Variants in TBC1D5 observed in about 807,000 individuals in gnomAD.
TBC1D5 encodes TBC1 domain family, member 5.
Under a neutral mutation model 100.3 loss-of-function variants are expected in TBC1D5, and 75 were observed. That is an observed-to-expected ratio of 0.75 (90% CI 0.62 to 0.91). The LOEUF (loss-of-function observed/expected upper bound fraction) is 0.91, where lower values mean the gene tolerates loss of function less well. Ranked by LOEUF, TBC1D5 falls within the 40% of genes least tolerant of loss-of-function variation. TBC1D5 has a pLI of 0.00. For synonymous variants in TBC1D5, 323 were observed against 325.6 expected, an observed-to-expected ratio of 0.99 and a Z score of 0.09; for missense variants, 910 against 942.4, an observed-to-expected ratio of 0.97 and a Z score of 0.45.
At chr3:17,240,004 T>G (rs1289390674) in intron 16 of TBC1D5, among the ~76,000 whole-genome samples, 1 of 152,216 alleles carries the variant, frequency 6.6e-6, no homozygotes, top group Non-Finnish European at 1.5e-5. Context: ...TGATTTTAAT[T>G]AACTTGATTT....
At chr3:17,717,510 G>A (rs535123112) in intron 1 of TBC1D5, among the ~76,000 whole-genome samples, 89 of 152,188 alleles carry the variant, frequency 5.8e-4, no homozygotes, top group Middle Eastern at 6.8e-3. Context: ...TAAATGAGAT[G>A]AGCATCTTCA....
chr3:17,527,613 G>A (rs1351217072), intron 2 of TBC1D5, among the ~76,000 whole-genome samples: 1 of 152,090 alleles, frequency 6.6e-6, no homozygotes, highest in Non-Finnish European at 1.5e-5. Flanking sequence ...TCCTCAGAAA[G>A]GTTAAGAACA....
At position 17,586,520 on chromosome 3, in the gene TBC1D5, T is replaced by A. The variant is rs532107515; in HGVS notation, c.-36+37329A>T. On this transcript the variant is annotated intron_variant, in intron 2 of 21. Transcript: ENST00000253692. ...AATCAAGAAACAGAGACAAACTAAG[T>A]TCTCCCTTAACTGAGCTGCTGGAAA... is the stretch of plus-strand genomic sequence containing the variant. 12 of 152,140 alleles carry A rather than the reference T, an allele frequency of 7.9e-5. No homozygotes were observed. The East Asian group carries it at 2.3e-3, about 29-fold the overall frequency. 9.4% of individuals were successfully genotyped at this position (152,140 alleles called of 1,614,324 possible).
At chr3:17,495,962 T>A (rs954754297) in intron 3 of TBC1D5, among the ~76,000 whole-genome samples, 1 of 152,240 alleles carries the variant, frequency 6.6e-6, no homozygotes, top group Non-Finnish European at 1.5e-5. Context: ...CTCAATACTA[T>A]TCAGGCAATA....
intron 3 of TBC1D5, among the ~76,000 whole-genome samples, chr3:17,505,826 T>C (rs1428374387): frequency 6.6e-6 from 1 of 152,210 alleles, no homozygotes; most frequent in Non-Finnish European, 1.5e-5. Context: ...TTTTATGTGG[T>C]AATTAATGTA....
At chr3:17,200,387 A>C (rs577483940) in intron 18 of TBC1D5, among the ~76,000 whole-genome samples, 5 of 152,358 alleles carry the variant, frequency 3.3e-5, no homozygotes, top group African/African-American at 1.2e-4. Context: ...TTACCACCTG[A>C]GTCCCACCTC....
At chr3:17,197,416 A>G (rs2070844111) in intron 18 of TBC1D5, among the ~76,000 whole-genome samples, 1 of 151,816 alleles carries the variant, frequency 6.6e-6, no homozygotes, top group Admixed American at 6.6e-5. Flanking sequence ...TCTCGCTGTT[A>G]CCCAGGCTGG....
chr3:17,377,175 G>T (rs1423413332), intron 9 of TBC1D5, among the ~76,000 whole-genome samples: 1 of 152,048 alleles, frequency 6.6e-6, no homozygotes, highest in East Asian at 1.9e-4. Context: ...GATTTAACAT[G>T]TTTAATCAGA....
At chr3:17,193,102 A>C (rs1217867674) in intron 18 of TBC1D5, among the ~76,000 whole-genome samples, 8 of 152,222 alleles carry the variant, frequency 5.3e-5, no homozygotes, top group Non-Finnish European at 1.2e-4. Context: ...CTTATAATTT[A>C]TAAAGTTAAA....
intron 13 of TBC1D5, among the ~76,000 whole-genome samples, chr3:17,327,233 GAA>G (rs923286129): frequency 1.3e-5 from 2 of 151,824 alleles, no homozygotes; most frequent in Non-Finnish European, 2.9e-5. Flanking sequence ...TACTTCTAGT[GAA>G]AAAAAAGATT....
intron 3 of TBC1D5, among the ~76,000 whole-genome samples, chr3:17,438,676 G>C (rs2094581733): frequency 6.6e-6 from 1 of 152,138 alleles, no homozygotes; most frequent in Admixed American, 6.5e-5. Context: ...CTTCATAGCA[G>C]TGTGAGCACA....
At chr3:17,696,209 C>CA (rs1159052170) in intron 1 of TBC1D5, among the ~76,000 whole-genome samples, 3 of 147,838 alleles carry the variant, frequency 2.0e-5, no homozygotes, top group South Asian at 2.1e-4. Flanking sequence ...GAAGAGCAAA[C>CA]AAAAAAAAAG....
chr3:17,642,306 C>T (rs1339395179), intron 1 of TBC1D5, among the ~76,000 whole-genome samples: 3 of 152,086 alleles, frequency 2.0e-5, no homozygotes, highest in South Asian at 4.2e-4. Flanking sequence ...AGTTAGGCAA[C>T]GTGCTCTCTA....
At chr3:17,551,563 T>C (rs2096473754) in intron 2 of TBC1D5, among the ~76,000 whole-genome samples, 1 of 152,116 alleles carries the variant, frequency 6.6e-6, no homozygotes, top group Admixed American at 6.6e-5. Flanking sequence ...AAAATCAAAT[T>C]AATCCATTCT....
intron 1 of TBC1D5, among the ~76,000 whole-genome samples, chr3:17,713,681 A>G (rs1006213308): frequency 2.7e-5 from 4 of 150,636 alleles, no homozygotes; most frequent in South Asian, 2.1e-4. Context: ...TTAAAATTCA[A>G]TGATAGAAGG....
intron 13 of TBC1D5, among the ~76,000 whole-genome samples, chr3:17,328,800 G>A (rs1027166462): frequency 8.5e-5 from 13 of 152,110 alleles, no homozygotes; most frequent in African/African-American, 2.4e-4. Context: ...AATTCTTTAT[G>A]GATTTTGGAT....
intron 13 of TBC1D5, among the ~76,000 whole-genome samples, chr3:17,320,467 A>C (rs1203255881): frequency 1.3e-5 from 2 of 152,232 alleles, no homozygotes; most frequent in Non-Finnish European, 2.9e-5. Flanking sequence ...AAGAGGATAT[A>C]GTGTTGGGAT....
At position 17,732,720 on chromosome 3, in the gene TBC1D5, A is replaced by AAAAT. The variant is rs60531914; in HGVS notation, c.-101+6619_-101+6622dup. Reference sequence around the variant, plus strand: ...TGACAGAGCGAGGCTCCGTCTCAAAAAAATAAATAAATAAATAAATAAATA... The same window carrying AAAAT: ...TGACAGAGCGAGGCTCCGTCTCAAAAAAATAAATAAATAAATAAATAAATAAATA... On this transcript the variant is annotated intron_variant, in intron 1 of 21. Transcript: ENST00000253692. Among the ~76,000 whole-genome samples the AAAAT allele has an allele frequency of 1.2e-3, 173 of 144,872 alleles. 1 individual carries two copies. The highest frequency in any genetic ancestry group is 3.0e-3 in the African/African-American group (118 of 39,754).
At chr3:17,428,057 C>T (rs1443344881) in intron 4 of TBC1D5, among the ~76,000 whole-genome samples, 3 of 151,792 alleles carry the variant, frequency 2.0e-5, no homozygotes, top group African/African-American at 7.2e-5. Context: ...CTTAGGCGCT[C>T]ATGAGCGGTA....
Sources: gnomAD v4.1 joint callset for allele counts (sites outside exome capture counted in the v4.1 genomes callset) on GRCh38, gnomAD v4.1.1 for gene constraint, MANE v1.5 for transcripts, NCBI Gene and HGNC (gene_info 2026-07-23, HGNC 2026-07-21) for gene names.